The following DLG2 variants were observed in gnomAD, a reference collection of about 807,000 sequenced individuals.
DLG2 encodes the protein disks large homolog 2.
A neutral mutation model predicts 132.5 loss-of-function variants in DLG2; 45 were observed. That is an observed-to-expected ratio of 0.34 (90% CI 0.27 to 0.44). The LOEUF is 0.44. DLG2 is among the 20% of genes least tolerant of loss of function. The pLI is 1.00. For synonymous variants in DLG2, 424 were observed against 419.6 expected (o/e 1.01, Z -0.13); for missense variants, 1,045 against 1,196.9 (o/e 0.87, Z 1.87).
chr11:84,756,244 G>C (rs2066861519), intron 6 of DLG2, among the ~76,000 whole-genome samples: 1 of 152,170 alleles, frequency 6.6e-6, no homozygotes, highest in Non-Finnish European at 1.5e-5. Context: ...TAGCAGCGTA[G>C]GAGAAAGAAG....
rs35771669 is a variant in DLG2 at position 84,787,939 on chromosome 11, C to CAAAAA, written c.358-253213_358-253209dup. On this transcript the variant is annotated intron_variant, in intron 6 of 27. Coordinates refer to ENST00000376104, the MANE Select transcript of DLG2 (RefSeq NM_001142699.3). ...TATGGTGAAACCCTGTCTCTACTTA[C>CAAAAA]AAAAAAAAAAAAATTAGCTGGGTGT... Among the ~76,000 whole-genome samples the CAAAAA allele has an allele frequency of 7.7e-4, 108 of 140,916 alleles. 2 individuals are homozygous for CAAAAA. Among genetic ancestry groups the CAAAAA allele is most frequent in the Middle Eastern group, 7.1e-3 (2 of 280 alleles). 92.4% of individuals were successfully genotyped at this position (140,916 alleles called of 152,430 possible).
At chr11:83,564,807 C>A (rs1440341831) in intron 19 of DLG2, among the ~76,000 whole-genome samples, 1 of 151,912 alleles carries the variant, frequency 6.6e-6, no homozygotes, top group Non-Finnish European at 1.5e-5. Context: ...TTATGCTGGT[C>A]AAGACAAAAA....
At chr11:85,217,903 C>CT (rs540741437) in intron 4 of DLG2, among the ~76,000 whole-genome samples, 34 of 152,142 alleles carry the variant, frequency 2.2e-4, no homozygotes, top group Admixed American at 1.8e-3. Context: ...TAAAGTCTTA[C>CT]TTTTTTTTGA....
intron 11 of DLG2, among the ~76,000 whole-genome samples, chr11:83,981,450 AATTT>A (rs976693958): frequency 3.3e-5 from 5 of 152,094 alleles, no homozygotes; most frequent in South Asian, 2.1e-4. Context: ...TTAATTAATT[AATTT>A]AATTTTTGAG....
chr11:84,361,736 T>C (rs1357015482), intron 7 of DLG2, among the ~76,000 whole-genome samples: 2 of 151,994 alleles, frequency 1.3e-5, no homozygotes, highest in Admixed American at 6.6e-5. Flanking sequence ...TAGTAATCTA[T>C]TATATGACTT....
intron 19 of DLG2, among the ~76,000 whole-genome samples, chr11:83,574,104 G>A (rs1410459803): frequency 6.6e-6 from 1 of 152,108 alleles, no homozygotes; most frequent in Non-Finnish European, 1.5e-5. Flanking sequence ...TCTAAACTCT[G>A]TAATTAATCC....
At chr11:84,702,186 G>A (rs1342941947) in intron 6 of DLG2, among the ~76,000 whole-genome samples, 1 of 151,614 alleles carries the variant, frequency 6.6e-6, no homozygotes, top group Non-Finnish European at 1.5e-5. Flanking sequence ...TAAACCTCTT[G>A]GTCTTCTGTG....
At chr11:84,846,333 G>A (rs1013317575) in intron 6 of DLG2, among the ~76,000 whole-genome samples, 8 of 152,050 alleles carry the variant, frequency 5.3e-5, no homozygotes, top group African/African-American at 1.7e-4. Context: ...TCTACCCCAT[G>A]TAGAGGTAAA....
chr11:84,445,638 C>T (rs1376774144), intron 7 of DLG2, among the ~76,000 whole-genome samples: 2 of 151,936 alleles, frequency 1.3e-5, no homozygotes, highest in Non-Finnish European at 2.9e-5. Flanking sequence ...CAGTCATGGC[C>T]GGGCGCGGTG....
chr11:83,785,758 C>T (rs1054062669), intron 18 of DLG2, among the ~76,000 whole-genome samples: 4 of 152,190 alleles, frequency 2.6e-5, no homozygotes, highest in Admixed American at 6.5e-5. Context: ...CCCATCGATG[C>T]TAACAAATCA....
At chr11:83,474,883 A>C (rs546624403) in intron 22 of DLG2, among the ~76,000 whole-genome samples, 1 of 152,292 alleles carries the variant, frequency 6.6e-6, no homozygotes, top group South Asian at 2.1e-4. Context: ...CTAAAGGCAA[A>C]TCTTTAATAA....
At chr11:85,515,161 C>T (rs1041114773) in intron 3 of DLG2, among the ~76,000 whole-genome samples, 3 of 151,906 alleles carry the variant, frequency 2.0e-5, no homozygotes, top group Admixed American at 1.3e-4. Context: ...GTCAGAGTCA[C>T]GTTTAACTAA....
At chr11:85,344,847 A>G (rs1326217130) in intron 3 of DLG2, among the ~76,000 whole-genome samples, 1 of 151,994 alleles carries the variant, frequency 6.6e-6, no homozygotes, top group Admixed American at 6.5e-5. Context: ...TTCAAACTTC[A>G]TTACTTCATT....
chr11:84,829,444 G>T (rs1363023535), intron 6 of DLG2, among the ~76,000 whole-genome samples: 1 of 151,608 alleles, frequency 6.6e-6, no homozygotes, highest in Non-Finnish European at 1.5e-5. Flanking sequence ...TGGTTATAAG[G>T]CATTACAACT....
At chr11:85,192,714 T>C (rs941689374) in intron 4 of DLG2, among the ~76,000 whole-genome samples, 1 of 152,208 alleles carries the variant, frequency 6.6e-6, no homozygotes, top group Non-Finnish European at 1.5e-5. Context: ...GCCTTTGAAA[T>C]TTCTCTCAGA....
intron 6 of DLG2, among the ~76,000 whole-genome samples, chr11:84,579,740 T>G (rs1268033403): frequency 6.6e-6 from 1 of 152,156 alleles, no homozygotes; most frequent in Non-Finnish European, 1.5e-5. Flanking sequence ...TAGGGAAGTA[T>G]GCAGGAAGTA....
intron 6 of DLG2, among the ~76,000 whole-genome samples, chr11:84,732,088 T>C (rs1179065448): frequency 6.6e-6 from 1 of 152,098 alleles, no homozygotes; most frequent in African/African-American, 2.4e-5. Context: ...TTCTGAGGTT[T>C]ATCTAGATGG....
intron 16 of DLG2, among the ~76,000 whole-genome samples, chr11:83,850,444 C>T (rs73520814): frequency 3.3e-5 from 5 of 152,032 alleles, no homozygotes; most frequent in Admixed American, 6.5e-5. Flanking sequence ...TGAGCCACCG[C>T]GGCAGCCCGG....
At chr11:83,581,600 T>A (rs1365345271) in intron 19 of DLG2, among the ~76,000 whole-genome samples, 1 of 152,224 alleles carries the variant, frequency 6.6e-6, no homozygotes, top group East Asian at 1.9e-4. Context: ...AAAATAGATA[T>A]GATTCTACAG....
Sources: allele counts gnomAD v4.1 joint callset (sites outside exome capture counted in the v4.1 genomes callset), GRCh38; gene constraint gnomAD v4.1.1; transcripts MANE v1.5; gene names NCBI Gene and HGNC (gene_info 2026-07-23, HGNC 2026-07-21).